Variants in SCNN1B observed in about 807,000 individuals in gnomAD.
SCNN1B encodes the protein epithelial sodium channel subunit beta.
Under a neutral mutation model 65.3 loss-of-function variants are expected in SCNN1B, and 46 were observed. That is an observed-to-expected ratio of 0.70 (90% CI 0.56 to 0.90). The LOEUF (loss-of-function observed/expected upper bound fraction) is 0.90, where lower values mean the gene tolerates loss of function less well. Ranked by LOEUF, SCNN1B falls within the 40% of genes least tolerant of loss-of-function variation. The pLI, the probability that SCNN1B is intolerant of heterozygous loss-of-function variation, is 0.00. For missense variants in SCNN1B, 751 were observed against 830.5 expected (o/e 0.90, Z 1.18); for synonymous variants, 349 against 330.6 (o/e 1.06, Z -0.60).
chr16:23,380,839 G>A lies in SCNN1B; in HGVS notation c.*38G>A, dbSNP rs977941068. Reference sequence around the variant, plus strand: ...CCACCCCGGGCGGCTGAAACTCACTGAGCAGCCAAGACTGTTGCCCGAGGC... The same window carrying A: ...CCACCCCGGGCGGCTGAAACTCACTAAGCAGCCAAGACTGTTGCCCGAGGC... On this transcript the variant is annotated 3_prime_UTR_variant, in exon 13 of 13. Coordinates refer to ENST00000343070, the MANE Select transcript of SCNN1B (RefSeq NM_000336.3). This position sits in a 1 kb window ranked among gnomAD's most constrained non-coding sequence, Gnocchi z 5.4. 2 of 1,609,592 alleles carry A rather than the reference G, an allele frequency of 1.2e-6. No homozygotes were observed. The highest frequency in any genetic ancestry group is 1.7e-5 in the Admixed American group (1 of 60,010).
chr16:23,302,063 A>G (rs1174301598), upstream of SCNN1B, among the ~76,000 whole-genome samples: 1 of 152,030 alleles, frequency 6.6e-6, no homozygotes, highest in Non-Finnish European at 1.5e-5. Context: ...CTGTGGACAT[A>G]TTCGTGGCGC....
upstream of SCNN1B, among the ~76,000 whole-genome samples, chr16:23,299,745 A>C (rs1008163142): frequency 1.3e-5 from 2 of 152,244 alleles, no homozygotes; most frequent in African/African-American, 4.8e-5. Flanking sequence ...TGTTGGTTGG[A>C]GTGTAAATTA....
At chr16:23,367,828 G>T in intron 4 of SCNN1B, 28 bp from the exon 5 acceptor site, 1 of 1,562,344 alleles carries the variant, frequency 6.4e-7, no homozygotes, top group Non-Finnish European at 8.8e-7. Flanking sequence ...GGTGGAACCT[G>T]CCCTGCAGCT....
chr16:23,327,080 C>T (rs144443839), intron 1 of SCNN1B, among the ~76,000 whole-genome samples: 2,304 of 152,036 alleles, frequency 0.015, 24 homozygotes, highest in Non-Finnish European at 0.025. Flanking sequence ...CTATGCTCAG[C>T]TAACGTTTTT....
intron 1 of SCNN1B, among the ~76,000 whole-genome samples, chr16:23,343,774 A>T (rs1362535837): frequency 6.6e-6 from 1 of 152,072 alleles, no homozygotes; most frequent in Non-Finnish European, 1.5e-5. Context: ...GCAATCTGTG[A>T]CTCTGAAGCA....
intron 3 of SCNN1B, chr16:23,353,318 G>A: frequency 3.5e-6 from 2 of 566,642 alleles, no homozygotes; most frequent in Admixed American, 6.0e-5. Flanking sequence ...TGGCTCACAT[G>A]ACTAAGAAAT....
chr16:23,371,569 C>A, intron 6 of SCNN1B, 107 bp downstream of exon 6: 2 of 1,235,836 alleles, frequency 1.6e-6, no homozygotes, highest in Non-Finnish European at 2.3e-6. Context: ...GCCCCCCAGC[C>A]CTGGCCTTCC....
chr16:23,297,697 A>G, upstream of SCNN1B, among the ~76,000 whole-genome samples: 1 of 152,206 alleles, frequency 6.6e-6, no homozygotes, highest in East Asian at 1.9e-4. Context: ...GACTTGGGTC[A>G]TATCCCATAT....
At chr16:23,374,268 G>GAAAAAAAAAAAAAAAAA (rs1223701346) in intron 7 of SCNN1B, among the ~76,000 whole-genome samples, 1 of 60,456 alleles carries the variant, frequency 1.7e-5, no homozygotes. Flanking sequence ...CCTGTCTCAG[G>GAAAAAAAAAAAAAAAAA]AAAAAAAAAA....
chr16:23,321,415 T>G (rs535306453), intron 1 of SCNN1B, among the ~76,000 whole-genome samples: 15 of 152,166 alleles, frequency 9.9e-5, no homozygotes, highest in African/African-American at 3.6e-4. Context: ...AGGCCCCGCC[T>G]GTGAGTGGGG....
At chr16:23,324,894 C>A (rs569544070) in intron 1 of SCNN1B, among the ~76,000 whole-genome samples, 17 of 152,184 alleles carry the variant, frequency 1.1e-4, no homozygotes, top group African/African-American at 2.9e-4. Flanking sequence ...ACCATTGGCA[C>A]CCCCCCAAGT....
chr16:23,304,131 A>C, intron 1 of SCNN1B: 1 of 1,498,144 alleles, frequency 6.7e-7, no homozygotes, highest in Non-Finnish European at 9.0e-7. Context: ...TCTTCTATAA[A>C]TTGTTATCTC....
intron 1 of SCNN1B, among the ~76,000 whole-genome samples, chr16:23,325,924 T>TAAAA (rs1961687330): frequency 7.8e-6 from 1 of 128,304 alleles, no homozygotes; most frequent in Admixed American, 7.4e-5. Flanking sequence ...TAAATAAATA[T>TAAAA]AAATAAAAGC....
At chr16:23,286,430 G>A (rs1596805698) in intron 2 of SCNN1B, among the ~76,000 whole-genome samples, 1 of 152,336 alleles carries the variant, frequency 6.6e-6, no homozygotes, top group East Asian at 1.9e-4. Context: ...ACTTCACAAT[G>A]GAAGGATCTG....
At chr16:23,304,181 C>T in intron 1 of SCNN1B, 1 of 1,142,082 alleles carries the variant, frequency 8.8e-7, no homozygotes, top group Non-Finnish European at 1.3e-6. Context: ...CCTAAACTAA[C>T]TTCACAGGAT....
intron 4 of SCNN1B, 110 bp from the exon 5 acceptor site, chr16:23,367,746 T>A (rs1962699176): frequency 1.2e-6 from 1 of 859,492 alleles, no homozygotes; most frequent in South Asian, 1.3e-5. Context: ...GTTGCTCGCC[T>A]CTCCCTTTCG....
chr16:23,288,160 T>A (rs1567284735), intron 2 of SCNN1B, among the ~76,000 whole-genome samples: 1 of 151,912 alleles, frequency 6.6e-6, no homozygotes, highest in Non-Finnish European at 1.5e-5. Flanking sequence ...CTAGACCCTG[T>A]CTCAAAAAAC....
chr16:23,378,785 C>T lies in SCNN1B; in HGVS notation c.1466+18C>T, dbSNP rs201318322. 1.1e-4 allele frequency: 172 copies of T among 1,613,190 alleles called. No individual in the cohort carries two copies. Among genetic ancestry groups the T allele is most frequent in the East Asian group, 6.0e-4 (27 of 44,864 alleles). ...CTGAGCAGGTGAGCCTGAGCCTGGG[C>T]GGGGCTGGGGAAGACAGGGAAGGGG... is the stretch of plus-strand genomic sequence containing the variant. On this transcript the variant is annotated intron_variant, in intron 11 of 12. Coordinates refer to ENST00000343070, the MANE Select transcript of SCNN1B (RefSeq NM_000336.3).
Position 23,312,730 on chromosome 16 carries a change from A to G in SCNN1B, c.-9+10293A>G, listed in dbSNP as rs375181439. Among the ~76,000 whole-genome samples the G allele has an allele frequency of 2.6e-4, 39 of 152,252 alleles. No homozygotes were observed. In the Middle Eastern group the frequency reaches 0.01, roughly 40 times the overall value. On this transcript the variant is annotated intron_variant, in intron 1 of 12. Transcript: ENST00000343070. ...TGAGTGGATGACAATCTGGTTGGTTACAAGTCGCCGGCTGTTGGAAGAGGA... is the reference window on the plus strand; with the variant it reads ...TGAGTGGATGACAATCTGGTTGGTTGCAAGTCGCCGGCTGTTGGAAGAGGA...
Sources: gnomAD v4.1 joint callset for allele counts (sites outside exome capture counted in the v4.1 genomes callset) on GRCh38, gnomAD v4.1.1 for gene constraint, Gnocchi (gnomAD v3.1) non-coding constraint, MANE v1.5 for transcripts, NCBI Gene and HGNC (gene_info 2026-07-23, HGNC 2026-07-21) for gene names.